The following HHAT variants were observed in gnomAD, a reference collection of about 807,000 sequenced individuals.
The protein encoded by HHAT is hedgehog acyltransferase, also known as protein-cysteine N-palmitoyltransferase HHAT.
A neutral mutation model predicts 70.8 loss-of-function variants in HHAT; 47 were observed. That is an observed-to-expected ratio of 0.66 (90% confidence interval 0.53 to 0.85). The LOEUF is 0.85. Among genes scored for constraint, HHAT ranks in the 40% least tolerant of loss-of-function variants. The probability of loss-of-function intolerance (pLI) is 0.00; values close to 1 mark genes in which losing one functional copy is unlikely to be tolerated. For missense variants in HHAT, 609 were observed against 604.8 expected, an observed-to-expected ratio of 1.01 and a Z score of -0.07; for synonymous variants, 228 against 247.6, an observed-to-expected ratio of 0.92 and a Z score of 0.74.
At chr1:210,526,367 G>GTTTTGTTTTGTTTTGTTTTT in intron 9 of HHAT, among the ~76,000 whole-genome samples, 1 of 142,336 alleles carries the variant, frequency 7.0e-6, no homozygotes, top group African/African-American at 2.6e-5. Flanking sequence ...AGTGGGTTCT[G>GTTTTGTTTTGTTTTGTTTTT]TTTTTTTTTT....
chr1:210,608,171 G>A (rs1035679389), intron 10 of HHAT, among the ~76,000 whole-genome samples: 1 of 152,128 alleles, frequency 6.6e-6, no homozygotes, highest in African/African-American at 2.4e-5. Flanking sequence ...TCGTACATGT[G>A]TGTACGTGGT....
chr1:210,518,224 C>G (rs1208547283), intron 9 of HHAT, among the ~76,000 whole-genome samples: 1 of 152,154 alleles, frequency 6.6e-6, no homozygotes, highest in Non-Finnish European at 1.5e-5. Flanking sequence ...ACCCCTTTGC[C>G]AGCCTCTCCC....
rs114497456 is a variant in HHAT at position 210,514,451 on chromosome 1, T to C, written c.1043+1263T>C. 4.4e-3 allele frequency among the ~76,000 whole-genome samples: 674 copies of C among 152,346 alleles called. 8 individuals are homozygous for C. Among genetic ancestry groups the C allele is most frequent in the African/African-American group, 0.015 (639 of 41,582 alleles). ...AACTGATCAGAAGAATCTGTCTGGA[T>C]GTATTAATACTTCAGGGAGTAGTTC... On this transcript the variant is annotated intron_variant, in intron 9 of 11. Transcript: ENST00000261458.
intron 3 of HHAT, among the ~76,000 whole-genome samples, chr1:210,363,276 C>T (rs982535063): frequency 1.3e-5 from 2 of 152,222 alleles, no homozygotes; most frequent in Non-Finnish European, 2.9e-5. Context: ...GGAACATCTT[C>T]CTTCTGGCCT....
chr1:210,351,951 G>C lies in HHAT; in HGVS notation c.91+2885G>C, dbSNP rs1490625276. On this transcript the variant is annotated intron_variant, in intron 2 of 11. Coordinates refer to ENST00000261458, the MANE Select transcript of HHAT (RefSeq NM_018194.6). ...CAGCATGTAGAGGAAGAGTCTGATGGAGCCACCTCTGGAGTTTCTCTCTTC... is the reference window on the plus strand; with the variant it reads ...CAGCATGTAGAGGAAGAGTCTGATGCAGCCACCTCTGGAGTTTCTCTCTTC... Among the ~76,000 whole-genome samples, 4 of 152,132 alleles carry C rather than the reference G, an allele frequency of 2.6e-5. No individual in the cohort carries two copies. In the East Asian group the frequency reaches 7.7e-4, roughly 29 times the overall value.
chr1:210,385,408 G>A (rs1240616771), intron 3 of HHAT, among the ~76,000 whole-genome samples: 1 of 151,952 alleles, frequency 6.6e-6, no homozygotes, highest in African/African-American at 2.4e-5. Context: ...ATTGACTCTT[G>A]GCTAATTTGG....
At chr1:210,631,231 A>G (rs1573873303) in intron 11 of HHAT, 1 of 409,438 alleles carries the variant, frequency 2.4e-6, no homozygotes, top group East Asian at 7.1e-5. Flanking sequence ...CTGCTCTGTG[A>G]GGCCTAAATC....
At chr1:210,598,497 C>CT (rs1168176531) in intron 10 of HHAT, among the ~76,000 whole-genome samples, 1 of 152,176 alleles carries the variant, frequency 6.6e-6, no homozygotes, top group East Asian at 1.9e-4. Context: ...TTGCTGGAAT[C>CT]TAAGTTCTGA....
intron 9 of HHAT, among the ~76,000 whole-genome samples, chr1:210,566,687 C>T (rs1654833598): frequency 1.3e-5 from 2 of 152,074 alleles, no homozygotes; most frequent in South Asian, 4.2e-4. Flanking sequence ...TGGCCAGACT[C>T]CAGGGGAAGA....
chr1:210,617,083 C>T (rs759443121), intron 10 of HHAT, among the ~76,000 whole-genome samples: 2 of 152,224 alleles, frequency 1.3e-5, no homozygotes, highest in Non-Finnish European at 2.9e-5. Context: ...AGAACCTAAA[C>T]CTAAGTTGGG....
intron 4 of HHAT, 87 bp downstream of exon 4, chr1:210,387,668 T>C: frequency 1.0e-6 from 1 of 971,876 alleles, no homozygotes; most frequent in South Asian, 1.4e-5. Context: ...TCGGAAGACT[T>C]GGATATTAGC....
chr1:210,359,600 C>T (rs74414172), intron 2 of HHAT, among the ~76,000 whole-genome samples: 5,559 of 152,218 alleles, frequency 0.037, 137 homozygotes, highest in Non-Finnish European at 0.057. Context: ...TCAGCCCTGG[C>T]CCTCTACCTG....
intron 8 of HHAT, among the ~76,000 whole-genome samples, chr1:210,489,831 C>T (rs1490131146): frequency 6.6e-6 from 1 of 152,194 alleles, no homozygotes; most frequent in Non-Finnish European, 1.5e-5. Context: ...TCTGCAGATG[C>T]TCACCCTATA....
intron 11 of HHAT, among the ~76,000 whole-genome samples, chr1:210,632,506 A>T (rs1671070535): frequency 6.6e-6 from 1 of 152,198 alleles, no homozygotes; most frequent in African/African-American, 2.4e-5. Flanking sequence ...TCACCTGCTC[A>T]TTACTGTACA....
intron 7 of HHAT, among the ~76,000 whole-genome samples, chr1:210,419,099 G>GT (rs2092814822): frequency 6.6e-6 from 1 of 152,138 alleles, no homozygotes; most frequent in Admixed American, 6.5e-5. Flanking sequence ...AATGACTGGT[G>GT]TGTAACCTTG....
chr1:210,475,865 TA>T (rs57833835), intron 8 of HHAT, among the ~76,000 whole-genome samples: 2 of 151,500 alleles, frequency 1.3e-5, no homozygotes, highest in African/African-American at 2.4e-5. Context: ...TTGTTTTAGT[TA>T]AAAAAAAATC....
At chr1:210,457,796 T>A (rs1162961831) in intron 7 of HHAT, among the ~76,000 whole-genome samples, 1 of 152,166 alleles carries the variant, frequency 6.6e-6, no homozygotes, top group Non-Finnish European at 1.5e-5. Context: ...CAGACCCTTG[T>A]GTTTACCCCC....
rs554567418 is a variant in HHAT, at chr1:210,350,488, A to G, written c.91+1422A>G. 6.2e-4 allele frequency among the ~76,000 whole-genome samples: 95 copies of G among 152,296 alleles called. 1 individual carries two copies. The highest frequency in any genetic ancestry group is 8.8e-5 in the Non-Finnish European group (6 of 68,012). Reference sequence around the variant, plus strand: ...TGTTTTCCTGATATAGATCTTATACATATTTTGTTAGATTTATAGCTCAGT... The same window carrying G: ...TGTTTTCCTGATATAGATCTTATACGTATTTTGTTAGATTTATAGCTCAGT... On this transcript the variant is annotated intron_variant, in intron 2 of 11. Transcript: ENST00000261458.
chr1:210,565,224 G>C (rs569708486), intron 9 of HHAT, among the ~76,000 whole-genome samples: 1 of 152,306 alleles, frequency 6.6e-6, no homozygotes, highest in South Asian at 2.1e-4. Context: ...TGATGTATAT[G>C]GTTCGGGAAG....
Sources: gnomAD v4.1 joint callset for allele counts (sites outside exome capture counted in the v4.1 genomes callset) on GRCh38, gnomAD v4.1.1 for gene constraint, MANE v1.5 for transcripts, NCBI Gene and HGNC (gene_info 2026-07-23, HGNC 2026-07-21) for gene names.